The following CSMD2 variants were observed in gnomAD, a reference collection of about 807,000 sequenced individuals.
The protein encoded by CSMD2 is CUB and sushi domain-containing protein 2.
Under a neutral mutation model 398.5 loss-of-function variants are expected in CSMD2, and 130 were observed. The ratio of observed to expected loss-of-function variants is 0.33; its 90% CI spans 0.28 to 0.38. The LOEUF (loss-of-function observed/expected upper bound fraction) is 0.38, where lower values mean the gene tolerates loss of function less well. Ranked by LOEUF, CSMD2 falls within the 10% of genes least tolerant of loss-of-function variation. The pLI is 1.00. For missense variants in CSMD2, 3,829 were observed against 4,764.9 expected (o/e 0.80, Z 5.78); for synonymous variants, 1,828 against 1,908.5 (o/e 0.96, Z 1.10).
chr1:33,572,588 G>A lies in CSMD2; in HGVS notation c.7680C>T (p.His2560=). ...CAGTGGCCTCAGCGCCTGCCTGGAG[G>A]TGGTAGCCTTCACTGCAGCTGTACA... ...KAMYSCSEGY[H]LQAGAEATAE... is the part of the protein sequence containing the mutation. The change falls in exon 50 of 71, where the codon CAC becomes CAT. Residue 2560 remains histidine, a synonymous_variant. Coordinates refer to ENST00000373381, the MANE Select transcript of CSMD2 (RefSeq NM_001281956.2). The A allele has an allele frequency of 6.2e-7, 1 of 1,614,086 alleles. No homozygotes were observed.
intron 2 of CSMD2, among the ~76,000 whole-genome samples, chr1:34,064,454 T>G (rs989577387): frequency 5.3e-5 from 8 of 152,126 alleles, no homozygotes; most frequent in Non-Finnish European, 1.0e-4. Context: ...GGGGGCAAAA[T>G]GTCACCAGTC....
chr1:33,614,104 T>G (rs1158946964), intron 40 of CSMD2, among the ~76,000 whole-genome samples: 2 of 152,176 alleles, frequency 1.3e-5, no homozygotes, highest in African/African-American at 2.4e-5. Context: ...AAGTACAACT[T>G]GAGGTCCAGT....
At chr1:34,087,294 A>T (rs750885630) in intron 2 of CSMD2, among the ~76,000 whole-genome samples, 8 of 152,060 alleles carry the variant, frequency 5.3e-5, no homozygotes, top group Non-Finnish European at 1.2e-4. Context: ...CACAGCCATA[A>T]AAAAGGATGA....
At chr1:34,007,951 A>G (rs1041243578) in intron 3 of CSMD2, among the ~76,000 whole-genome samples, 18 of 152,220 alleles carry the variant, frequency 1.2e-4, no homozygotes, top group Non-Finnish European at 2.5e-4. Flanking sequence ...TTGAAAAAAG[A>G]TGAGCATATC....
intron 41 of CSMD2, chr1:33,606,037 C>T (rs1408821737): frequency 1.3e-5 from 20 of 1,574,070 alleles, no homozygotes; most frequent in East Asian, 1.1e-4. Context: ...GGCTAAGGGA[C>T]GTGTGGCTGT....
At chr1:34,005,514 A>C (rs1558235048) in intron 3 of CSMD2, among the ~76,000 whole-genome samples, 1 of 152,196 alleles carries the variant, frequency 6.6e-6, no homozygotes, top group Non-Finnish European at 1.5e-5. Flanking sequence ...TGTGGTCCTG[A>C]CTAGGGCAAG....
At chr1:34,018,549 A>G (rs1648450476) in intron 3 of CSMD2, among the ~76,000 whole-genome samples, 1 of 152,364 alleles carries the variant, frequency 6.6e-6, no homozygotes, top group African/African-American at 2.4e-5. Flanking sequence ...CCACTCCAGC[A>G]CTGCATCATA....
intron 3 of CSMD2, among the ~76,000 whole-genome samples, chr1:33,985,037 T>G (rs1021064716): frequency 6.6e-6 from 1 of 152,200 alleles, no homozygotes; most frequent in African/African-American, 2.4e-5. Context: ...GGCAGACGTG[T>G]GGCGTTAACG....
chr1:33,887,418 G>A (rs1168552374), intron 5 of CSMD2, among the ~76,000 whole-genome samples: 1 of 152,176 alleles, frequency 6.6e-6, no homozygotes, highest in African/African-American at 2.4e-5. Context: ...AAATGCTAAT[G>A]TTATAAGTGC....
chr1:34,052,464 G>A (rs1336183670), intron 2 of CSMD2, among the ~76,000 whole-genome samples: 1 of 149,872 alleles, frequency 6.7e-6, no homozygotes, highest in East Asian at 2.0e-4. Context: ...CCATGGGGGG[G>A]GGGTCGAGAA....
In CSMD2 at chr1:33,972,454, G is replaced by A. The variant is rs989077658; in HGVS notation, c.518-36500C>T. Among the ~76,000 whole-genome samples the A allele has an allele frequency of 2.0e-5, 3 of 152,146 alleles. No homozygotes were observed. The South Asian group carries it at 6.2e-4, about 32-fold the overall frequency. The stretch of plus-strand genomic sequence containing the variant: ...GCTTTACATGGCAAAAGAGACTACA[G>A]ATGTCATTAAGTTAAGGATGAGGTG... On this transcript the variant is annotated intron_variant, in intron 3 of 70. Transcript: ENST00000373381.
At chr1:34,138,270 T>G (rs531705798) in intron 1 of CSMD2, among the ~76,000 whole-genome samples, 1 of 152,232 alleles carries the variant, frequency 6.6e-6, no homozygotes, top group African/African-American at 2.4e-5. Context: ...ACTTTGGAAC[T>G]GTACGATTTC....
Position 33,635,356 on chromosome 1 carries a change from C to A in CSMD2, c.4970-26G>T. On this transcript the variant is annotated intron_variant, in intron 30 of 70. Coordinates refer to ENST00000373381, the MANE Select transcript of CSMD2 (RefSeq NM_001281956.2). The surrounding 1 kb of genome is among the most constrained non-coding windows in gnomAD (Gnocchi z 5.0). ...CTGAAAGAGAAACCAGATAGAGAGTCAGGTGACCTTGTGGGCCTCTTACCA... is the reference window on the plus strand; with the variant it reads ...CTGAAAGAGAAACCAGATAGAGAGTAAGGTGACCTTGTGGGCCTCTTACCA... The A allele has an allele frequency of 7.0e-7, 1 of 1,424,770 alleles. No homozygotes were observed. The highest frequency in any genetic ancestry group is 1.2e-5 in the South Asian group (1 of 86,260). The allele number at this position is 1,424,770 out of a possible 1,614,324, so 88.3% of individuals were successfully genotyped here.
At position 33,977,664 on chromosome 1, in the gene CSMD2, C is replaced by CA. The variant is rs1646018277; in HGVS notation, c.518-41711_518-41710insT. ...GCACTGAGCTGTGCTCTTGCCAGCT[C>CA]CTGCTCCTGCTGCTGCCTCTGCCTG... On this transcript the variant is annotated intron_variant, in intron 3 of 70. Coordinates refer to ENST00000373381, the MANE Select transcript of CSMD2 (RefSeq NM_001281956.2). 3.9e-5 allele frequency among the ~76,000 whole-genome samples: 6 copies of CA among 151,988 alleles called. No individual in the cohort carries two copies. The South Asian group carries it at 6.3e-4, about 16-fold the overall frequency.
At chr1:33,808,439 GGAAA>G (rs997422878) in intron 10 of CSMD2, among the ~76,000 whole-genome samples, 1 of 150,610 alleles carries the variant, frequency 6.6e-6, no homozygotes, top group African/African-American at 2.4e-5. Context: ...AGAAACAGTA[GGAAA>G]GAGAGAGTTA....
intron 37 of CSMD2, among the ~76,000 whole-genome samples, chr1:33,620,729 C>T (rs557721788): frequency 1.3e-5 from 2 of 150,694 alleles, no homozygotes; most frequent in Admixed American, 6.6e-5. Flanking sequence ...TGAAGCCTTA[C>T]ATATCTGCTG....
intron 37 of CSMD2, among the ~76,000 whole-genome samples, chr1:33,619,332 G>C (rs1367490420): frequency 6.6e-6 from 1 of 152,164 alleles, no homozygotes; most frequent in Non-Finnish European, 1.5e-5. Flanking sequence ...GGGGATACAG[G>C]CTCCCTGAGG....
At chr1:34,108,846 C>T (rs1660774126) in intron 1 of CSMD2, among the ~76,000 whole-genome samples, 1 of 152,132 alleles carries the variant, frequency 6.6e-6, no homozygotes, top group African/African-American at 2.4e-5. Context: ...GGAGGGCAAT[C>T]CTTGCAAGGT....
At chr1:33,895,408 T>G (rs925622864) in intron 5 of CSMD2, among the ~76,000 whole-genome samples, 2 of 152,114 alleles carry the variant, frequency 1.3e-5, no homozygotes, top group Non-Finnish European at 2.9e-5. Context: ...ATGGGGGTAC[T>G]GGGAAATGGT....
Sources: gnomAD v4.1 joint callset for allele counts (sites outside exome capture counted in the v4.1 genomes callset) on GRCh38, gnomAD v4.1.1 for gene constraint, Gnocchi (gnomAD v3.1) non-coding constraint, MANE v1.5 for transcripts, NCBI Gene and HGNC (gene_info 2026-07-23, HGNC 2026-07-21) for gene names.